Variants in RYR3 observed in about 807,000 individuals in gnomAD.
RYR3 encodes the protein brain ryanodine receptor-calcium release channel.
In RYR3, 207 loss-of-function variants were observed where a neutral mutation model predicts 584.3. That is an observed-to-expected ratio of 0.35 (90% CI 0.32 to 0.40). The LOEUF (loss-of-function observed/expected upper bound fraction) is 0.40, where lower values mean the gene tolerates loss of function less well. Among genes scored for constraint, RYR3 ranks in the 10% least tolerant of loss-of-function variants. The pLI, the probability that RYR3 is intolerant of heterozygous loss-of-function variation, is 1.00. For synonymous variants in RYR3, 2,416 were observed against 2,248.5 expected (o/e 1.07, Z -2.11); for missense variants, 5,616 against 6,089.2 (o/e 0.92, Z 2.59).
intron 3 of RYR3, among the ~76,000 whole-genome samples, chr15:33,505,126 C>T (rs999581333): frequency 6.6e-6 from 1 of 152,174 alleles, no homozygotes; most frequent in African/African-American, 2.4e-5. Context: ...ATAATACGGA[C>T]ATGTCTCATT....
At chr15:33,851,909 GAGATAAAATATT>G (rs2079144029) in intron 94 of RYR3, 1 of 151,834 alleles carries the variant, frequency 6.6e-6, no homozygotes, top group African/African-American at 2.4e-5. Context: ...TCATCCCCCA[GAGATAAAATATT>G]AGCAGTTTAC....
chr15:33,646,214 GT>G, intron 28 of RYR3, 136 bp from the exon 29 acceptor site: 1 of 661,170 alleles, frequency 1.5e-6, no homozygotes, highest in Non-Finnish European at 2.6e-6. Flanking sequence ...GAGAATCATA[GT>G]TTGGTTATCA....
At chr15:33,771,457 C>CT (rs1230837679) in intron 62 of RYR3, among the ~76,000 whole-genome samples, 13 of 151,900 alleles carry the variant, frequency 8.6e-5, no homozygotes, top group African/African-American at 2.7e-4. Flanking sequence ...TTGCTGTAAC[C>CT]TGGGAGGCAG....
chr15:33,442,380 T>C (rs1456322593), intron 1 of RYR3, among the ~76,000 whole-genome samples: 1 of 152,266 alleles, frequency 6.6e-6, no homozygotes, highest in Non-Finnish European at 1.5e-5. Context: ...GCATGTTTGC[T>C]TATTATTTTT....
intron 2 of RYR3, among the ~76,000 whole-genome samples, chr15:33,481,602 T>C (rs2049971448): frequency 6.6e-6 from 1 of 152,180 alleles, no homozygotes; most frequent in African/African-American, 2.4e-5. Flanking sequence ...TGCCTCAGTC[T>C]CCCAAGTAGC....
chr15:33,564,626 C>T (rs1865499), intron 11 of RYR3, among the ~76,000 whole-genome samples: 99,758 of 151,972 alleles, frequency 0.66, 33,701 homozygotes, highest in Middle Eastern at 0.76. Flanking sequence ...AAGGCAATGG[C>T]AGCATTTAAA....
chr15:33,411,927 G>T (rs1239639811), intron 1 of RYR3, among the ~76,000 whole-genome samples: 1 of 152,160 alleles, frequency 6.6e-6, no homozygotes, highest in Non-Finnish European at 1.5e-5. Flanking sequence ...GTTTTCTGTT[G>T]TAATAATCAG....
chr15:33,580,261 A>G, intron 13 of RYR3, 117 bp downstream of exon 13: 4 of 854,502 alleles, frequency 4.7e-6, no homozygotes, highest in Non-Finnish European at 5.3e-6. Context: ...GCCAGAGGAC[A>G]AGAGAGATTT....
At chr15:33,469,667 T>C (rs1596279857) in intron 1 of RYR3, among the ~76,000 whole-genome samples, 1 of 152,098 alleles carries the variant, frequency 6.6e-6, no homozygotes, top group Non-Finnish European at 1.5e-5. Context: ...GACATGTTGA[T>C]TTGAAGTGTT....
chr15:33,326,741 C>A (rs1980102), intron 1 of RYR3, among the ~76,000 whole-genome samples: 62,983 of 151,452 alleles, frequency 0.42, 14,043 homozygotes, highest in African/African-American at 0.57. Context: ...GGCTGGAAAA[C>A]TGGGGAGCAA....
intron 82 of RYR3, 51 bp downstream of exon 82, chr15:33,825,727 T>C (rs1173321106): frequency 1.5e-6 from 1 of 665,136 alleles, no homozygotes; most frequent in Non-Finnish European, 2.2e-6. Context: ...TAAAATCTTT[T>C]TTTTTTTTTT....
rs531454070 is a variant in RYR3, at chr15:33,570,083, G to T, written c.1268+3284G>T. 2.6e-5 allele frequency among the ~76,000 whole-genome samples: 4 copies of T among 151,736 alleles called. No homozygotes were observed. The South Asian group carries it at 8.3e-4, about 32-fold the overall frequency. ...TTGAAGCACAAACGTTTTAATTTTT[G>T]ATTAAGTTCAGTTTAACATATTTAT... On this transcript the variant is annotated intron_variant, in intron 12 of 103. Transcript: ENST00000634891.
At chr15:33,548,803 C>G (rs1213935488) in intron 9 of RYR3, among the ~76,000 whole-genome samples, 1 of 152,142 alleles carries the variant, frequency 6.6e-6, no homozygotes, top group Non-Finnish European at 1.5e-5. Flanking sequence ...ACTTTCAATG[C>G]AGGACCTTTA....
chr15:33,809,680 C>T (rs573050526), intron 70 of RYR3, among the ~76,000 whole-genome samples: 3 of 150,764 alleles, frequency 2.0e-5, no homozygotes, highest in South Asian at 2.1e-4. Context: ...CTGTCACCCA[C>T]GCTGTAGTGC....
intron 52 of RYR3, among the ~76,000 whole-genome samples, chr15:33,745,535 G>A (rs1473869198): frequency 2.6e-5 from 4 of 152,082 alleles, no homozygotes; most frequent in African/African-American, 9.7e-5. Context: ...ACTGTGCCTC[G>A]GACAGAGTCT....
chr15:33,595,178 CATTT>C (rs2059310123), intron 16 of RYR3, among the ~76,000 whole-genome samples: 1 of 152,104 alleles, frequency 6.6e-6, no homozygotes, highest in Non-Finnish European at 1.5e-5. Context: ...ATTGTAAAGT[CATTT>C]ATTTAAGTGA....
intron 99 of RYR3, chr15:33,858,120 A>G: frequency 1.5e-6 from 1 of 646,194 alleles, no homozygotes; most frequent in South Asian, 2.1e-5. Flanking sequence ...GGTAGTTTTC[A>G]TTACCACACA....
chr15:33,505,465 A>T (rs1053856083), intron 3 of RYR3, among the ~76,000 whole-genome samples: 1 of 152,200 alleles, frequency 6.6e-6, no homozygotes, highest in Non-Finnish European at 1.5e-5. Context: ...TATATCTTCC[A>T]CATACTCTCA....
intron 10 of RYR3, among the ~76,000 whole-genome samples, chr15:33,561,051 T>C (rs1474650630): frequency 6.6e-6 from 1 of 152,234 alleles, no homozygotes; most frequent in Non-Finnish European, 1.5e-5. Flanking sequence ...TTATGAAAGC[T>C]TGAAGGAAAA....
Sources: gnomAD v4.1 joint callset for allele counts (sites outside exome capture counted in the v4.1 genomes callset) on GRCh38, gnomAD v4.1.1 for gene constraint, MANE v1.5 for transcripts, NCBI Gene and HGNC (gene_info 2026-07-23, HGNC 2026-07-21) for gene names.